Variants in SCAI observed in about 807,000 individuals in gnomAD.
SCAI encodes protein SCAI.
A neutral mutation model predicts 92.2 loss-of-function variants in SCAI; 24 were observed. The observed-to-expected ratio is 0.26, with a 90% CI of 0.19 to 0.37. SCAI has a LOEUF of 0.37. Among genes scored for constraint, SCAI ranks in the 10% least tolerant of loss-of-function variants. SCAI has a pLI of 1.00. For missense variants in SCAI, 450 were observed against 736.2 expected (o/e 0.61, Z 4.50); for synonymous variants, 261 against 258.6 (o/e 1.01, Z -0.09).
At chr9:124,986,453 A>G (rs1831991785) in intron 14 of SCAI, among the ~76,000 whole-genome samples, 1 of 152,230 alleles carries the variant, frequency 6.6e-6, no homozygotes, top group South Asian at 2.1e-4. Context: ...GAGCTAGATC[A>G]GAAGAAACTA....
intron 2 of SCAI, among the ~76,000 whole-genome samples, chr9:125,089,617 T>C (rs1167323860): frequency 2.0e-5 from 3 of 152,190 alleles, no homozygotes; most frequent in African/African-American, 4.8e-5. Context: ...TCAACAAGCT[T>C]TCAAGATGGC....
intron 2 of SCAI, among the ~76,000 whole-genome samples, chr9:125,106,799 C>G (rs1030283800): frequency 2.7e-5 from 4 of 145,830 alleles, no homozygotes; most frequent in Non-Finnish European, 6.0e-5. Context: ...GCCTTGACCT[C>G]CTGGGCTCAA....
At chr9:125,083,981 T>C (rs1834270910) in intron 2 of SCAI, among the ~76,000 whole-genome samples, 1 of 151,736 alleles carries the variant, frequency 6.6e-6, no homozygotes, top group African/African-American at 2.4e-5. Flanking sequence ...CTGGATGAAA[T>C]GAAGGCTGGG....
intron 9 of SCAI, among the ~76,000 whole-genome samples, chr9:125,009,242 A>T (rs904697737): frequency 2.6e-5 from 4 of 152,206 alleles, no homozygotes; most frequent in African/African-American, 9.6e-5. Context: ...AGTAATGCTT[A>T]AAGAGAATTT....
At chr9:124,963,757 CAAAAAAAA>C (rs36017738) in intron 17 of SCAI, among the ~76,000 whole-genome samples, 9 of 52,288 alleles carry the variant, frequency 1.7e-4, no homozygotes, top group African/African-American at 4.0e-4. Flanking sequence ...GAATCTGTCT[CAAAAAAAA>C]AAAAAAAAAA....
intron 6 of SCAI, among the ~76,000 whole-genome samples, chr9:125,023,949 C>T (rs1173063479): frequency 1.3e-5 from 2 of 151,950 alleles, no homozygotes; most frequent in Admixed American, 6.5e-5. Context: ...TATCAAACTG[C>T]AGAAAAAAGA....
At chr9:125,106,122 A>ATATAT (rs1361859750) in intron 2 of SCAI, among the ~76,000 whole-genome samples, 1 of 8,862 alleles carries the variant, frequency 1.1e-4, no homozygotes, top group African/African-American at 2.3e-4. Context: ...AAAAAAAAAA[A>ATATAT]ATATATATAT....
chr9:125,132,460 C>T (rs1351327310), intron 2 of SCAI, among the ~76,000 whole-genome samples: 3 of 152,080 alleles, frequency 2.0e-5, no homozygotes, highest in Non-Finnish European at 2.9e-5. Context: ...ATGATCCATT[C>T]CATTCATTTG....
chr9:125,118,601 T>C (rs562350276), intron 2 of SCAI, among the ~76,000 whole-genome samples: 1 of 152,140 alleles, frequency 6.6e-6, no homozygotes, highest in Non-Finnish European at 1.5e-5. Flanking sequence ...TACACAGGTA[T>C]ACATGTTCCT....
chr9:125,028,820 CAG>C (rs1247113357), intron 4 of SCAI, among the ~76,000 whole-genome samples: 5 of 151,944 alleles, frequency 3.3e-5, no homozygotes, highest in East Asian at 1.9e-4. Context: ...TTTTTTGAGA[CAG>C]AGTGTGGCTC....
chr9:125,085,547 G>T (rs370317170), intron 2 of SCAI, among the ~76,000 whole-genome samples: 33 of 152,160 alleles, frequency 2.2e-4, no homozygotes, highest in Non-Finnish European at 3.7e-4. Flanking sequence ...TATTGACTGG[G>T]TGCAGTGGTT....
At chr9:125,038,149 C>T (rs535992802) in intron 3 of SCAI, among the ~76,000 whole-genome samples, 9 of 151,916 alleles carry the variant, frequency 5.9e-5, no homozygotes, top group East Asian at 5.8e-4. Flanking sequence ...GCTAGCTACT[C>T]GGGGAGCTGA....
chr9:125,012,942 C>T lies in SCAI; in HGVS notation c.861+5857G>A, dbSNP rs1444411188. ...TCCTGAATGACTACTGGGTACATAA[C>T]GAAATGAAGGCAGAAATAAAGATGT... On this transcript the variant is annotated intron_variant, in intron 9 of 17. Coordinates refer to ENST00000336505, the MANE Select transcript of SCAI (RefSeq NM_001144877.3). Among the ~76,000 whole-genome samples, 9 of 151,140 alleles carry T rather than the reference C, an allele frequency of 6.0e-5. No homozygotes were observed. The South Asian group carries it at 1.0e-3, about 18-fold the overall frequency.
At chr9:125,089,327 TATTATAA>T (rs1834383053) in intron 2 of SCAI, among the ~76,000 whole-genome samples, 1 of 152,170 alleles carries the variant, frequency 6.6e-6, no homozygotes, top group Non-Finnish European at 1.5e-5. Context: ...CTATTTATAG[TATTATAA>T]CCTTCAAGAA....
At chr9:124,963,902 G>A (rs903482721) in intron 17 of SCAI, among the ~76,000 whole-genome samples, 3 of 151,972 alleles carry the variant, frequency 2.0e-5, no homozygotes, top group African/African-American at 7.3e-5. Context: ...GGAGGAGGAG[G>A]GGTTGGTCTT....
chr9:125,032,195 A>ATATATTTTTTTTTTTT (rs1177865840), intron 3 of SCAI, among the ~76,000 whole-genome samples: 1 of 99,476 alleles, frequency 1.0e-5, no homozygotes, highest in Non-Finnish European at 1.8e-5. Flanking sequence ...ATATATATAT[A>ATATATTTTTTTTTTTT]TTTTTTTTTT....
intron 12 of SCAI, among the ~76,000 whole-genome samples, chr9:125,000,593 C>A (rs1159647847): frequency 1.8e-5 from 2 of 114,122 alleles, no homozygotes; most frequent in African/African-American, 7.3e-5. Context: ...CAGAGTGAGA[C>A]CCTGTCTCAG....
intron 9 of SCAI, among the ~76,000 whole-genome samples, chr9:125,015,924 G>T (rs367852165): frequency 1.3e-5 from 2 of 149,938 alleles, no homozygotes; most frequent in Non-Finnish European, 3.0e-5. Context: ...GTAAACTATC[G>T]CAAGAACAAA....
intron 2 of SCAI, among the ~76,000 whole-genome samples, chr9:125,125,908 G>GCACACACACACACACACA (rs1564424059): frequency 2.4e-5 from 1 of 41,404 alleles, no homozygotes; most frequent in Non-Finnish European, 4.8e-5. Context: ...GTGCGTACAC[G>GCACACACACACACACACA]TACACACACA....
Sources: gnomAD v4.1 joint callset for allele counts (sites outside exome capture counted in the v4.1 genomes callset) on GRCh38, gnomAD v4.1.1 for gene constraint, MANE v1.5 for transcripts, NCBI Gene and HGNC (gene_info 2026-07-23, HGNC 2026-07-21) for gene names.